The following SRP72 variants were observed in gnomAD, a reference collection of about 807,000 sequenced individuals.
SRP72 encodes signal recognition particle 72, also known as signal recognition particle subunit SRP72.
SRP72 carries 49 observed loss-of-function variants against 96.3 expected under a neutral mutation model. The observed-to-expected ratio is 0.51, with a 90% CI of 0.40 to 0.65. The LOEUF is 0.65. Among genes scored for constraint, SRP72 ranks in the 30% least tolerant of loss-of-function variants. SRP72 has a pLI of 0.00. For synonymous variants in SRP72, 267 were observed against 275.2 expected, an observed-to-expected ratio of 0.97 and a Z score of 0.30; for missense variants, 736 against 793.3, an observed-to-expected ratio of 0.93 and a Z score of 0.87.
At chr4:56,487,635 G>A (rs1386908033) in intron 11 of SRP72, among the ~76,000 whole-genome samples, 1 of 152,096 alleles carries the variant, frequency 6.6e-6, no homozygotes, top group Admixed American at 6.6e-5. Flanking sequence ...TCAAGTTACA[G>A]CCCAAAAAAG....
chr4:56,470,990 C>T (rs1719951906), intron 2 of SRP72, among the ~76,000 whole-genome samples: 1 of 152,064 alleles, frequency 6.6e-6, no homozygotes, highest in South Asian at 2.1e-4. Context: ...TTAGTAGAGA[C>T]AGGGTTTTGC....
rs192655284 is a variant in SRP72 at position 56,495,184 on chromosome 4, A to G, written c.1641-173A>G. ...CCAAAAATTATAGTATCTGAAGCTT[A>G]ATTGACTTTAACCTGAATCAAATCT... On this transcript the variant is annotated intron_variant, in intron 16 of 18. Transcript: ENST00000642900. 72 of 407,672 alleles carry G rather than the reference A, an allele frequency of 1.8e-4. No homozygotes were observed. In the Admixed American group the frequency reaches 3.0e-3, roughly 17 times the overall value. 25.3% of individuals were successfully genotyped at this position (407,672 alleles called of 1,614,324 possible).
At chr4:56,500,789 T>A in intron 18 of SRP72, 94 bp downstream of exon 18, 1 of 1,203,262 alleles carries the variant, frequency 8.3e-7, no homozygotes, top group Non-Finnish European at 1.1e-6. Context: ...ATATAAAGTA[T>A]GAGAAATGTG....
At chr4:56,481,616 G>C (rs1720488043) in intron 8 of SRP72, among the ~76,000 whole-genome samples, 1 of 152,004 alleles carries the variant, frequency 6.6e-6, no homozygotes, top group African/African-American at 2.4e-5. Context: ...GGGTTCAAAA[G>C]TGGTACAGAT....
chr4:56,479,294 C>T (rs1161485279), intron 8 of SRP72, among the ~76,000 whole-genome samples: 2 of 152,120 alleles, frequency 1.3e-5, no homozygotes, highest in African/African-American at 2.4e-5. Context: ...ATTCTCCTGC[C>T]TCAGCCTCCC....
intron 12 of SRP72, 69 bp downstream of exon 12, chr4:56,488,082 CTTTA>C (rs1720782015): frequency 3.8e-6 from 4 of 1,060,672 alleles, no homozygotes; most frequent in East Asian, 2.5e-5. Context: ...TGTGTATTCA[CTTTA>C]TTTATATGTC....
At chr4:56,470,341 C>A (rs570739022) in intron 2 of SRP72, among the ~76,000 whole-genome samples, 1 of 152,154 alleles carries the variant, frequency 6.6e-6, no homozygotes, top group East Asian at 1.9e-4. Context: ...GGGTTTGAGA[C>A]CAGACCGAGC....
rs544845922 is a variant in SRP72, at chr4:56,475,131, A to G, written c.610+740A>G. On this transcript the variant is annotated intron_variant, in intron 5 of 18. Coordinates refer to ENST00000642900, the MANE Select transcript of SRP72 (RefSeq NM_006947.4). ...TGCAGTGATCACTGGGGTGGAAAAA[A>G]AGGTGAAACAAAGTCTGTTTTACTG... is the stretch of plus-strand genomic sequence containing the variant. Among the ~76,000 whole-genome samples, 3 of 152,360 alleles carry G rather than the reference A, an allele frequency of 2.0e-5. No individual in the cohort carries two copies. In the East Asian group the frequency reaches 5.8e-4, roughly 29 times the overall value.
At chr4:56,493,828 T>C (rs999724789) in intron 16 of SRP72, among the ~76,000 whole-genome samples, 2 of 152,234 alleles carry the variant, frequency 1.3e-5, no homozygotes, top group African/African-American at 4.8e-5. Flanking sequence ...ATCTCACCAC[T>C]GCACTCCAGC....
chr4:56,475,308 G>A (rs1395454929), intron 5 of SRP72, among the ~76,000 whole-genome samples: 1 of 152,066 alleles, frequency 6.6e-6, no homozygotes, highest in East Asian at 1.9e-4. Flanking sequence ...TATAATCCCA[G>A]CACTTTTGGG....
intron 18 of SRP72, 149 bp downstream of exon 18, chr4:56,500,844 GAA>G (rs1721237041): frequency 2.7e-6 from 2 of 741,580 alleles, no homozygotes; most frequent in Non-Finnish European, 3.9e-6. Context: ...GCAAATGAAA[GAA>G]AATATATTGC....
chr4:56,501,667 T>C lies in SRP72; in HGVS notation c.1839-17T>C. On this transcript the variant is annotated splice_polypyrimidine_tract_variant and intron_variant, in intron 18 of 18. Transcript: ENST00000642900. ...CGTTGAATATATGAGTGACCAAAAA[T>C]GATCTGATGATTTCAGGGATGCCAG... The C allele has an allele frequency of 1.9e-6, 3 of 1,608,924 alleles. No individual in the cohort carries two copies. Among genetic ancestry groups the C allele is most frequent in the South Asian group, 1.1e-5 (1 of 89,900 alleles).
In SRP72 at chr4:56,474,496, A is replaced by G. The variant is rs1007315573; in HGVS notation, c.610+105A>G. ...TCTGTGAAATTATTAAATGGAAGTT[A>G]TTGATGCAGTGACAATTTCTCCAAG... On this transcript the variant is annotated intron_variant, in intron 5 of 18. Transcript: ENST00000642900. The G allele has an allele frequency of 4.2e-6, 4 of 950,392 alleles. No homozygotes were observed. The African/African-American group carries it at 6.7e-5, about 16-fold the overall frequency. The allele number at this position is 950,392 out of a possible 1,614,324, so 58.9% of individuals were successfully genotyped here. A position where few individuals can be genotyped will look rare whatever the true frequency, so the allele number is the denominator to read the frequency against.
At chr4:56,468,065 T>A (rs1403559001) in intron 1 of SRP72, among the ~76,000 whole-genome samples, 1 of 152,250 alleles carries the variant, frequency 6.6e-6, no homozygotes, top group Non-Finnish European at 1.5e-5. Context: ...TTTGACTCCT[T>A]TGCTGCTTTA....
intron 17 of SRP72, among the ~76,000 whole-genome samples, chr4:56,495,945 G>C (rs1227441042): frequency 6.6e-6 from 1 of 152,172 alleles, no homozygotes; most frequent in Admixed American, 6.5e-5. Context: ...TAAACAGTCA[G>C]GGCCACATAC....
chr4:56,468,780 C>T (rs115894378), intron 1 of SRP72, among the ~76,000 whole-genome samples: 1 of 152,170 alleles, frequency 6.6e-6, no homozygotes, highest in Non-Finnish European at 1.5e-5. Context: ...TGAATTAACT[C>T]TAGCCTTCCA....
Position 56,478,578 on chromosome 4 carries a change from C to A in SRP72, c.768-14C>A, listed in dbSNP as rs1560678689. 6.2e-7 allele frequency: 1 copy of A among 1,613,616 alleles called. No homozygotes were observed. The highest frequency in any genetic ancestry group is 1.7e-5 in the Admixed American group (1 of 59,934). On this transcript the variant is annotated splice_polypyrimidine_tract_variant and intron_variant, in intron 7 of 18. Transcript: ENST00000642900. ...AAGGTTTGTTTGGTTTTGACTGTTG[C>A]TTGTTGTTCACAGACCAACAGATGT...
intron 17 of SRP72, among the ~76,000 whole-genome samples, chr4:56,496,004 A>C (rs1248554886): frequency 2.6e-5 from 4 of 152,224 alleles, no homozygotes; most frequent in Non-Finnish European, 1.5e-5. Flanking sequence ...AGACTTGGCA[A>C]GTATTTCTCA....
chr4:56,489,382 G>T lies in SRP72; in HGVS notation c.1225-6G>T. ...AGTTCACTAATTTATACCTTTGGCTGTGTAGGTATCTGCATTAGTTACCAT... is the reference window on the plus strand; with the variant it reads ...AGTTCACTAATTTATACCTTTGGCTTTGTAGGTATCTGCATTAGTTACCAT... On this transcript the variant is annotated splice_region_variant and splice_polypyrimidine_tract_variant and intron_variant, in intron 12 of 18. Transcript: ENST00000642900. The T allele has an allele frequency of 6.4e-7, 1 of 1,557,022 alleles. No homozygotes were observed.
Sources: gnomAD v4.1 joint callset for allele counts (sites outside exome capture counted in the v4.1 genomes callset) on GRCh38, gnomAD v4.1.1 for gene constraint, MANE v1.5 for transcripts, NCBI Gene and HGNC (gene_info 2026-07-23, HGNC 2026-07-21) for gene names.